Variants in GABRB1 observed in about 807,000 individuals in gnomAD.
GABRB1 encodes the protein gamma-aminobutyric acid receptor subunit beta-1.
A neutral mutation model predicts 51.6 loss-of-function variants in GABRB1; 17 were observed. The ratio of observed to expected loss-of-function variants is 0.33; its 90% confidence interval spans 0.23 to 0.49. GABRB1 has a LOEUF of 0.49. GABRB1 is among the 20% of genes least tolerant of loss of function. The pLI is 0.99. For synonymous variants in GABRB1, 247 were observed against 218.9 expected (o/e 1.13, Z -1.14); for missense variants, 410 against 600.6 (o/e 0.68, Z 3.32).
At chr4:47,369,951 T>C (rs1400001226) in intron 5 of GABRB1, among the ~76,000 whole-genome samples, 1 of 152,232 alleles carries the variant, frequency 6.6e-6, no homozygotes, top group Non-Finnish European at 1.5e-5. Context: ...TCCTTTTTAC[T>C]GTATTTTGTA....
intron 3 of GABRB1, among the ~76,000 whole-genome samples, chr4:47,149,701 G>T (rs190767517): frequency 6.6e-6 from 1 of 152,104 alleles, no homozygotes; most frequent in Admixed American, 6.6e-5. Context: ...GCCCAAGGAT[G>T]ATTATAAAGC....
chr4:47,297,946 C>T (rs1724075543), intron 4 of GABRB1, among the ~76,000 whole-genome samples: 1 of 152,158 alleles, frequency 6.6e-6, no homozygotes, highest in Admixed American at 6.5e-5. Flanking sequence ...ATACGCAAAT[C>T]AATTAATGTA....
chr4:47,248,249 C>T (rs905014769), intron 4 of GABRB1, among the ~76,000 whole-genome samples: 11 of 151,968 alleles, frequency 7.2e-5, no homozygotes, highest in Admixed American at 5.9e-4. Flanking sequence ...TTGTAGAATG[C>T]TTTTTCTGCT....
chr4:47,056,978 C>A (rs564980707), intron 3 of GABRB1, among the ~76,000 whole-genome samples: 1 of 152,054 alleles, frequency 6.6e-6, no homozygotes, highest in African/African-American at 2.4e-5. Flanking sequence ...TGGTGGCATG[C>A]CCCTGTAATC....
At chr4:47,093,712 T>C (rs2109591710) in intron 3 of GABRB1, among the ~76,000 whole-genome samples, 1 of 152,324 alleles carries the variant, frequency 6.6e-6, no homozygotes, top group African/African-American at 2.4e-5. Flanking sequence ...AAGTAATTTG[T>C]ACCTATTAAT....
chr4:47,050,387 G>A (rs753082759), intron 3 of GABRB1, among the ~76,000 whole-genome samples: 1 of 152,180 alleles, frequency 6.6e-6, no homozygotes, highest in South Asian at 2.1e-4. Context: ...TGGAGAGTTA[G>A]TAGAAAGGAA....
At chr4:47,195,990 G>T (rs1049989862) in intron 4 of GABRB1, among the ~76,000 whole-genome samples, 4 of 152,190 alleles carry the variant, frequency 2.6e-5, no homozygotes, top group Non-Finnish European at 5.9e-5. Context: ...AGACATTCCT[G>T]CTTGTGTGGT....
At chr4:47,218,468 C>T (rs1018605796) in intron 4 of GABRB1, among the ~76,000 whole-genome samples, 1 of 151,816 alleles carries the variant, frequency 6.6e-6, no homozygotes, top group Non-Finnish European at 1.5e-5. Flanking sequence ...CATGAGTTCC[C>T]TTTTCCCTGC....
intron 5 of GABRB1, among the ~76,000 whole-genome samples, chr4:47,348,176 A>G (rs1288794825): frequency 6.6e-6 from 1 of 152,188 alleles, no homozygotes; most frequent in African/African-American, 2.4e-5. Flanking sequence ...GCTGTTGTTC[A>G]TCAACTGATG....
chr4:47,391,426 C>T (rs977346044), intron 5 of GABRB1, among the ~76,000 whole-genome samples: 6 of 152,266 alleles, frequency 3.9e-5, no homozygotes, highest in South Asian at 4.1e-4. Flanking sequence ...TCTTCAGAAG[C>T]GGGAGATAAT....
chr4:47,346,065 A>T (rs1299436313), intron 5 of GABRB1, among the ~76,000 whole-genome samples: 2 of 150,536 alleles, frequency 1.3e-5, no homozygotes, highest in Non-Finnish European at 3.0e-5. Flanking sequence ...AAAGGCCTGC[A>T]GATACCCCTA....
chr4:47,167,524 C>T (rs1040346354), intron 4 of GABRB1, among the ~76,000 whole-genome samples: 1 of 152,024 alleles, frequency 6.6e-6, no homozygotes, highest in African/African-American at 2.4e-5. Context: ...GAGCCCAGGG[C>T]CAGGTGGTTT....
At chr4:47,297,374 A>G (rs1463284350) in intron 4 of GABRB1, among the ~76,000 whole-genome samples, 7 of 102,882 alleles carry the variant, frequency 6.8e-5, no homozygotes, top group Non-Finnish European at 1.2e-4. Context: ...AGACTAATAA[A>G]GAAGAAAAGA....
intron 8 of GABRB1, among the ~76,000 whole-genome samples, chr4:47,410,236 G>A (rs188207478): frequency 6.6e-6 from 1 of 152,260 alleles, no homozygotes; most frequent in East Asian, 1.9e-4. Flanking sequence ...CAGAAAAATA[G>A]ACATAATTCT....
chr4:47,076,511 A>T (rs1011405852), intron 3 of GABRB1, among the ~76,000 whole-genome samples: 1 of 151,510 alleles, frequency 6.6e-6, no homozygotes, highest in Non-Finnish European at 1.5e-5. Context: ...GCACAGGAAA[A>T]CTCATCCCAA....
At chr4:47,008,196 C>T (rs1724468182) in intron 1 of GABRB1, among the ~76,000 whole-genome samples, 1 of 152,030 alleles carries the variant, frequency 6.6e-6, no homozygotes, top group Admixed American at 6.6e-5. Flanking sequence ...TGTTGTCATT[C>T]ATTAAATACA....
intron 3 of GABRB1, among the ~76,000 whole-genome samples, chr4:47,147,573 ATT>A (rs1385889162): frequency 2.0e-5 from 3 of 152,100 alleles, no homozygotes; most frequent in African/African-American, 7.2e-5. Context: ...CACCCAGCTA[ATT>A]TCCACACAGA....
rs190878062 is a variant in GABRB1, at chr4:47,048,444, G to A, written c.240+15960G>A. 3.8e-4 allele frequency among the ~76,000 whole-genome samples: 58 copies of A among 152,236 alleles called. 2 individuals are homozygous for A. The highest frequency in any genetic ancestry group is 1.5e-3 in the East Asian group (8 of 5,182). On this transcript the variant is annotated intron_variant, in intron 3 of 8. Transcript: ENST00000295454. Reference sequence around the variant, plus strand: ...GCAATGAGGACTTCTTGAAGACAATGACCACACCTCATACTGTGCTGGATA... The same window carrying A: ...GCAATGAGGACTTCTTGAAGACAATAACCACACCTCATACTGTGCTGGATA...
intron 3 of GABRB1, among the ~76,000 whole-genome samples, chr4:47,052,166 C>G (rs546943233): frequency 6.6e-6 from 1 of 152,046 alleles, no homozygotes; most frequent in Non-Finnish European, 1.5e-5. Context: ...TGATTATAAC[C>G]AGCATACAGG....
Sources: allele counts gnomAD v4.1 joint callset (sites outside exome capture counted in the v4.1 genomes callset), GRCh38; gene constraint gnomAD v4.1.1; transcripts MANE v1.5; gene names NCBI Gene and HGNC (gene_info 2026-07-23, HGNC 2026-07-21).